The following SLC66A3 variants were observed in gnomAD, a reference collection of about 807,000 sequenced individuals.
The protein encoded by SLC66A3 is solute carrier family 66 member 3, also known as PQ loop repeat containing 3.
Under a neutral mutation model 25.5 loss-of-function variants are expected in SLC66A3, and 23 were observed. The ratio of observed to expected loss-of-function variants is 0.90; its 90% CI spans 0.65 to 1.28. The LOEUF is 1.28. Among genes scored for constraint, SLC66A3 ranks in the 50% most tolerant of loss-of-function variants. The pLI is 0.00. For synonymous variants in SLC66A3, 108 were observed against 112.6 expected (o/e 0.96, Z 0.26); for missense variants, 246 against 262.1 (o/e 0.94, Z 0.42).
intron 1 of SLC66A3, among the ~76,000 whole-genome samples, chr2:11,156,938 G>C (rs1410592244): frequency 1.3e-5 from 2 of 152,166 alleles, no homozygotes; most frequent in Non-Finnish European, 2.9e-5. Context: ...TGTGGTGACT[G>C]TTCAGGTGGG....
intron 4 of SLC66A3, among the ~76,000 whole-genome samples, chr2:11,166,138 T>C (rs1002030099): frequency 1.3e-5 from 2 of 152,266 alleles, no homozygotes; most frequent in South Asian, 4.1e-4. Context: ...CCTCCCAAAG[T>C]GCTGGGATTA....
intron 3 of SLC66A3, among the ~76,000 whole-genome samples, chr2:11,162,499 A>T (rs989738313): frequency 2.6e-5 from 4 of 152,254 alleles, no homozygotes; most frequent in Non-Finnish European, 5.9e-5. Context: ...CTGGATGCTG[A>T]TGGCGAGTCT....
chr2:11,164,177 C>T, intron 3 of SLC66A3, 27 bp from the exon 4 acceptor site: 1 of 1,513,416 alleles, frequency 6.6e-7, no homozygotes. Flanking sequence ...GGGTGACCCA[C>T]TGCTGTGTCC....
chr2:11,161,807 T>C (rs1662140707), intron 3 of SLC66A3, among the ~76,000 whole-genome samples: 1 of 152,230 alleles, frequency 6.6e-6, no homozygotes, highest in Admixed American at 6.5e-5. Flanking sequence ...AGGCATGAGC[T>C]GCCACTTCTG....
At chr2:11,160,993 C>T (rs1308702140) in intron 3 of SLC66A3, among the ~76,000 whole-genome samples, 1 of 152,092 alleles carries the variant, frequency 6.6e-6, no homozygotes, top group Admixed American at 6.6e-5. Context: ...TCATGTGAGA[C>T]ATTTCTTCCT....
intron 1 of SLC66A3, among the ~76,000 whole-genome samples, chr2:11,157,553 G>A (rs1661951234): frequency 6.6e-6 from 1 of 152,118 alleles, no homozygotes; most frequent in South Asian, 2.1e-4. Context: ...GGGCCCCCGG[G>A]CCCCTGACCA....
At position 11,164,198 on chromosome 2, in the gene SLC66A3, G is replaced by A; in HGVS notation, c.297-6G>A. 1 of 1,574,700 alleles carries A rather than the reference G, an allele frequency of 6.4e-7. No individual in the cohort carries two copies. The highest frequency in any genetic ancestry group is 8.6e-7 in the Non-Finnish European group (1 of 1,158,914). ...CCCACTGCTGTGTCCCTTAGCACTT[G>A]GTAAGATTGGTGTCTTCTTGGTTCA... is the stretch of plus-strand genomic sequence containing the variant. On this transcript the variant is annotated splice_polypyrimidine_tract_variant and splice_region_variant and intron_variant, in intron 3 of 6. Transcript: ENST00000295083.
At chr2:11,176,365 G>T (rs1039352006) in intron 6 of SLC66A3, among the ~76,000 whole-genome samples, 1 of 151,566 alleles carries the variant, frequency 6.6e-6, no homozygotes, top group African/African-American at 2.4e-5. Flanking sequence ...ACAGGCATGC[G>T]CTACTATGCC....
intron 5 of SLC66A3, among the ~76,000 whole-genome samples, chr2:11,172,427 T>G (rs1314540737): frequency 6.6e-6 from 1 of 152,240 alleles, no homozygotes; most frequent in Non-Finnish European, 1.5e-5. Flanking sequence ...CTTTTGAGAA[T>G]GAATGAAATG....
intron 1 of SLC66A3, among the ~76,000 whole-genome samples, chr2:11,156,916 G>C (rs1206050120): frequency 6.6e-6 from 1 of 152,194 alleles, no homozygotes; most frequent in African/African-American, 2.4e-5. Flanking sequence ...AAGGACACAG[G>C]CTGGAAGTGG....
chr2:11,170,765 A>G (rs181768376), intron 4 of SLC66A3, among the ~76,000 whole-genome samples: 3 of 151,408 alleles, frequency 2.0e-5, no homozygotes, highest in East Asian at 2.0e-4. Flanking sequence ...ATTTTTTTGT[A>G]TTTTTAGTAG....
intron 4 of SLC66A3, among the ~76,000 whole-genome samples, chr2:11,168,096 C>G (rs997522979): frequency 4.6e-5 from 7 of 151,994 alleles, no homozygotes; most frequent in African/African-American, 1.2e-4. Context: ...CTGGCTAACA[C>G]GGTGAAACCT....
chr2:11,159,432 A>ACGGTGGGGGCCCGCACT (rs1350903831), intron 1 of SLC66A3, among the ~76,000 whole-genome samples: 2 of 152,116 alleles, frequency 1.3e-5, no homozygotes, highest in Non-Finnish European at 2.9e-5. Context: ...CCTGCTGGGC[A>ACGGTGGGGGCCCGCACT]CGGTGGGGGC....
intron 5 of SLC66A3, chr2:11,172,722 A>G (rs1369920221): frequency 4.6e-6 from 2 of 432,440 alleles, no homozygotes; most frequent in South Asian, 3.4e-5. Flanking sequence ...TCTTAAAATC[A>G]AGACTTTCTT....
chr2:11,165,120 A>AC (rs1191033075), intron 4 of SLC66A3, among the ~76,000 whole-genome samples: 3 of 145,650 alleles, frequency 2.1e-5, no homozygotes, highest in East Asian at 2.2e-4. Context: ...GGGCAGAGGC[A>AC]CCCCCCACCT....
intron 4 of SLC66A3, among the ~76,000 whole-genome samples, chr2:11,164,540 CT>C (rs199654355): frequency 3.7e-4 from 52 of 142,400 alleles, no homozygotes; most frequent in Non-Finnish European, 5.5e-4. Context: ...TTTTTGTTTT[CT>C]TTTTTTTTTA....
Position 11,177,722 on chromosome 2 carries a change from T to C in SLC66A3, c.518-15T>C. 6.4e-7 allele frequency: 1 copy of C among 1,567,566 alleles called. No homozygotes were observed. Among genetic ancestry groups the C allele is most frequent in the Non-Finnish European group, 8.7e-7 (1 of 1,142,906 alleles). ...TGTAAAGACAGTTTTTAATACACTT[T>C]TTTTTTTATTTCAGTTCTTCTACGT... is the stretch of plus-strand genomic sequence containing the variant. On this transcript the variant is annotated splice_polypyrimidine_tract_variant and intron_variant, in intron 6 of 6. Coordinates refer to ENST00000295083, the MANE Select transcript of SLC66A3 (RefSeq NM_152391.5).
At chr2:11,166,086 C>T (rs1036987164) in intron 4 of SLC66A3, among the ~76,000 whole-genome samples, 1 of 152,128 alleles carries the variant, frequency 6.6e-6, no homozygotes, top group African/African-American at 2.4e-5. Context: ...GTTGGCCAGG[C>T]TGGTCTCGAA....
intron 4 of SLC66A3, among the ~76,000 whole-genome samples, chr2:11,168,050 A>G (rs12986981): frequency 0.93 from 140,997 of 152,290 alleles, 65,415 homozygotes; most frequent in East Asian, 1. Context: ...GGAGGCCGAG[A>G]CGGGCGGATC....
Sources: gnomAD v4.1 joint callset for allele counts (sites outside exome capture counted in the v4.1 genomes callset) on GRCh38, gnomAD v4.1.1 for gene constraint, MANE v1.5 for transcripts, NCBI Gene and HGNC (gene_info 2026-07-23, HGNC 2026-07-21) for gene names.